LRFN5: variants seen among roughly 807,000 people sequenced by gnomAD.
LRFN5 encodes the protein leucine rich repeat and fibronectin type III domain containing 5.
A neutral mutation model predicts 45.6 loss-of-function variants in LRFN5; 24 were observed. The observed-to-expected ratio is 0.53, with a 90% confidence interval of 0.38 to 0.74. The LOEUF is 0.74. Ranked by LOEUF, LRFN5 falls within the 30% of genes least tolerant of loss-of-function variation. LRFN5 has a pLI of 0.00. For synonymous variants in LRFN5, 340 were observed against 313.8 expected, an observed-to-expected ratio of 1.08 and a Z score of -0.88; for missense variants, 776 against 861.5, an observed-to-expected ratio of 0.90 and a Z score of 1.24.
At chr14:41,786,371 GT>G (rs1342826990) in intron 2 of LRFN5, among the ~76,000 whole-genome samples, 6 of 151,702 alleles carry the variant, frequency 4.0e-5, no homozygotes, top group African/African-American at 9.7e-5. Flanking sequence ...CATATTTAGA[GT>G]TTTTTTAATA....
At chr14:41,734,960 C>T (rs73311034) in intron 1 of LRFN5, among the ~76,000 whole-genome samples, 6,804 of 152,078 alleles carry the variant, frequency 0.045, 338 homozygotes, top group African/African-American at 0.12. Flanking sequence ...TTTTTGATGA[C>T]ACATGCTTAT....
chr14:41,895,343 G>A (rs1056487349), intron 4 of LRFN5, among the ~76,000 whole-genome samples: 8 of 152,142 alleles, frequency 5.3e-5, no homozygotes, highest in Non-Finnish European at 1.0e-4. Flanking sequence ...TAGACACAGT[G>A]GCTGGGCACG....
At chr14:41,856,475 A>G (rs1275847310) in intron 2 of LRFN5, among the ~76,000 whole-genome samples, 1 of 151,930 alleles carries the variant, frequency 6.6e-6, no homozygotes, top group East Asian at 1.9e-4. Context: ...CAAGGAGTTA[A>G]AGCCCTGGTG....
chr14:41,677,278 T>A (rs1191425812), intron 1 of LRFN5, among the ~76,000 whole-genome samples: 1 of 152,074 alleles, frequency 6.6e-6, no homozygotes, highest in Non-Finnish European at 1.5e-5. Flanking sequence ...AGGGGATGAA[T>A]AACGAGAGTC....
chr14:41,702,063 G>A (rs1356568319), intron 1 of LRFN5, among the ~76,000 whole-genome samples: 4 of 152,084 alleles, frequency 2.6e-5, no homozygotes, highest in Non-Finnish European at 5.9e-5. Context: ...ACTAAGCATA[G>A]GACTTATTCT....
In LRFN5 at chr14:41,904,210, T is replaced by G. The variant is rs201250483; in HGVS notation, c.*35T>G. 101 of 1,609,186 alleles carry G rather than the reference T, an allele frequency of 6.3e-5. No individual in the cohort carries two copies. The highest frequency in any genetic ancestry group is 8.1e-5 in the Non-Finnish European group (96 of 1,178,266). On this transcript the variant is annotated 3_prime_UTR_variant, in exon 6 of 6. Transcript: ENST00000298119. The stretch of plus-strand genomic sequence containing the variant: ...CTTCTCCTCTCTCTCCTGAAAAAAT[T>G]TGCCACTGATATTTTTACTGGATAA...
intron 1 of LRFN5, among the ~76,000 whole-genome samples, chr14:41,755,412 A>G (rs1017133986): frequency 1.3e-5 from 2 of 152,162 alleles, no homozygotes; most frequent in Non-Finnish European, 2.9e-5. Flanking sequence ...GTCTCTTTGT[A>G]GGTCTCTAAG....
At chr14:41,614,092 T>C (rs1162497051) in intron 1 of LRFN5, among the ~76,000 whole-genome samples, 1 of 152,098 alleles carries the variant, frequency 6.6e-6, no homozygotes, top group Non-Finnish European at 1.5e-5. Context: ...GTGGTACTTT[T>C]CTTATTAATT....
At chr14:41,808,951 C>G (rs1828236358) in intron 2 of LRFN5, among the ~76,000 whole-genome samples, 1 of 151,994 alleles carries the variant, frequency 6.6e-6, no homozygotes, top group South Asian at 2.1e-4. Flanking sequence ...GTTATTCATT[C>G]TAAAACACAA....
At chr14:41,613,444 T>A (rs961032858) in intron 1 of LRFN5, among the ~76,000 whole-genome samples, 6 of 152,012 alleles carry the variant, frequency 3.9e-5, no homozygotes, top group African/African-American at 1.4e-4. Flanking sequence ...AGAAAATATA[T>A]CTTTTTACAA....
chr14:41,895,122 T>C (rs767364461), intron 4 of LRFN5: 1 of 857,152 alleles, frequency 1.2e-6, no homozygotes, highest in African/African-American at 1.8e-5. Context: ...TTTTTTAAAA[T>C]TGTGTTCCTG....
intron 1 of LRFN5, among the ~76,000 whole-genome samples, chr14:41,717,434 A>T (rs555236304): frequency 6.6e-6 from 1 of 152,306 alleles, no homozygotes; most frequent in East Asian, 1.9e-4. Context: ...ACACCAAAAC[A>T]CGTAGTTTTA....
intron 5 of LRFN5, among the ~76,000 whole-genome samples, chr14:41,902,829 A>G (rs1053506414): frequency 2.0e-5 from 3 of 151,878 alleles, no homozygotes; most frequent in African/African-American, 7.2e-5. Context: ...GGAGTATATC[A>G]CTTGAAATAT....
intron 2 of LRFN5, among the ~76,000 whole-genome samples, chr14:41,785,169 C>G (rs1432653316): frequency 6.6e-6 from 1 of 151,932 alleles, no homozygotes; most frequent in South Asian, 2.1e-4. Context: ...AAGTGTCTTT[C>G]TTTTAGCGGA....
intron 1 of LRFN5, among the ~76,000 whole-genome samples, chr14:41,629,884 T>A (rs534553315): frequency 6.6e-6 from 1 of 152,022 alleles, no homozygotes; most frequent in South Asian, 2.1e-4. Context: ...AGAGCCTTAC[T>A]TTTTTTTATG....
rs915426032 is a variant in LRFN5, at chr14:41,608,243, GTGTGTGTGAGTGTGAGCGTGTGTC to G, written c.-507_-484del. On this transcript the variant is annotated 5_prime_UTR_variant, in exon 1 of 6. Transcript: ENST00000298119. ...CAAGTGCGCGCGCGCCCGGGTGCGA[GTGTGTGTGAGTGTGAGCGTGTGTC>G]TGTGTGTGCGTGCGCGGCCGCCCTG... 2 of 153,206 alleles carry G rather than the reference GTGTGTGTGAGTGTGAGCGTGTGTC, an allele frequency of 1.3e-5. No homozygotes were observed. The highest frequency in any genetic ancestry group is 4.8e-5 in the African/African-American group (2 of 41,430). The allele number at this position is 153,206 out of a possible 1,614,324, so 9.5% of individuals were successfully genotyped here. A position where few individuals can be genotyped will look rare whatever the true frequency, so the allele number is the denominator to read the frequency against.
intron 2 of LRFN5, among the ~76,000 whole-genome samples, chr14:41,848,407 G>C (rs2139069888): frequency 6.6e-6 from 1 of 152,076 alleles, no homozygotes; most frequent in Middle Eastern, 3.4e-3. Flanking sequence ...CCCAAGGTCA[G>C]CAGTACATTT....
At chr14:41,837,194 C>CAAA (rs5808157) in intron 2 of LRFN5, among the ~76,000 whole-genome samples, 4,328 of 74,082 alleles carry the variant, frequency 0.058, 257 homozygotes, top group Non-Finnish European at 0.079. Context: ...ACACACTCCA[C>CAAA]AAAAAAAAAA....
In LRFN5 at chr14:41,607,772, G is replaced by A. The variant is rs1267914574; in HGVS notation, c.-987G>A. 1 of 152,084 alleles carries A rather than the reference G, an allele frequency of 6.6e-6. No individual in the cohort carries two copies. The highest frequency in any genetic ancestry group is 1.9e-4 in the East Asian group (1 of 5,164). The allele number at this position is 152,084 out of a possible 1,614,324, so 9.4% of individuals were successfully genotyped here. On this transcript the variant is annotated 5_prime_UTR_variant, in exon 1 of 6. Coordinates refer to ENST00000298119, the MANE Select transcript of LRFN5 (RefSeq NM_152447.5). ...AAGCGCCAATATTAACCTGCTTCCA[G>A]GTACATCACAAGGTCAAGAGAGTGT...
Sources: allele counts gnomAD v4.1 joint callset (sites outside exome capture counted in the v4.1 genomes callset), GRCh38; gene constraint gnomAD v4.1.1; transcripts MANE v1.5; gene names NCBI Gene and HGNC (gene_info 2026-07-23, HGNC 2026-07-21).